The following NRXN1 variants were observed in gnomAD, a reference collection of about 807,000 sequenced individuals.
The protein encoded by NRXN1 is neurexin-1.
A neutral mutation model predicts 150.9 loss-of-function variants in NRXN1; 39 were observed. The ratio of observed to expected loss-of-function variants is 0.26; its 90% confidence interval spans 0.20 to 0.34. The LOEUF is 0.34. Among genes scored for constraint, NRXN1 ranks in the 10% least tolerant of loss-of-function variants. The pLI is 1.00. For synonymous variants in NRXN1, 924 were observed against 757.0 expected (o/e 1.22, Z -3.62); for missense variants, 1,815 against 1,949.9 (o/e 0.93, Z 1.30).
chr2:49,958,929 G>C (rs1164298092), intron 21 of NRXN1, among the ~76,000 whole-genome samples: 2 of 152,132 alleles, frequency 1.3e-5, no homozygotes, highest in Admixed American at 6.6e-5. Flanking sequence ...TTGGCTATAA[G>C]GTAAAGGATA....
chr2:50,628,205 T>A (rs1559043425), intron 5 of NRXN1, among the ~76,000 whole-genome samples: 1 of 151,840 alleles, frequency 6.6e-6, no homozygotes, highest in African/African-American at 2.4e-5. Flanking sequence ...GGTTAAATAA[T>A]AAACAGTTTG....
intron 21 of NRXN1, among the ~76,000 whole-genome samples, chr2:50,033,048 T>C: frequency 6.6e-6 from 1 of 151,800 alleles, no homozygotes; most frequent in Non-Finnish European, 1.5e-5. Context: ...ATATATAATC[T>C]TATTAAAATC....
chr2:50,217,486 G>T (rs889370573), intron 18 of NRXN1, among the ~76,000 whole-genome samples: 4 of 151,892 alleles, frequency 2.6e-5, no homozygotes, highest in East Asian at 1.9e-4. Flanking sequence ...TATCTGGCTG[G>T]ATCTATAATT....
chr2:50,088,896 A>ACTG, intron 19 of NRXN1, among the ~76,000 whole-genome samples: 1 of 152,224 alleles, frequency 6.6e-6, no homozygotes, highest in South Asian at 2.1e-4. Flanking sequence ...GTGCACAGTC[A>ACTG]AATAAAATAT....
chr2:50,879,267 T>G (rs1036776811), intron 5 of NRXN1, among the ~76,000 whole-genome samples: 1 of 151,924 alleles, frequency 6.6e-6, no homozygotes, highest in Non-Finnish European at 1.5e-5. Context: ...ATCTCCAGCC[T>G]GCCATTTGCC....
Position 51,027,923 on chromosome 2 carries a change from C to T in NRXN1, c.351G>A (p.Val117=), listed in dbSNP as rs1242702558. The part of the protein sequence containing the change: ...TPVNDGAWHS[V]RIRRQFRNTT... ...TGTTGCGGAACTGGCGGCGGATGCG[C>T]ACGCTGTGCCAGGCGCCGTCGTTAA... The change falls in exon 2 of 23, where the codon GTG becomes GTA. Residue 117 remains valine, a synonymous_variant. Transcript: ENST00000401669. 6.2e-7 allele frequency: 1 copy of T among 1,606,648 alleles called. No individual in the cohort carries two copies. Among genetic ancestry groups the T allele is most frequent in the South Asian group, 1.1e-5 (1 of 91,074 alleles).
intron 5 of NRXN1, among the ~76,000 whole-genome samples, chr2:50,733,472 A>T (rs867321316): frequency 3.0e-4 from 45 of 152,324 alleles, no homozygotes; most frequent in African/African-American, 1.1e-3. Flanking sequence ...GCATTAAGTG[A>T]TTAATGCCCA....
At chr2:50,321,939 G>A (rs1486951470) in intron 17 of NRXN1, among the ~76,000 whole-genome samples, 1 of 151,132 alleles carries the variant, frequency 6.6e-6, no homozygotes, top group Non-Finnish European at 1.5e-5. Context: ...TGTATTATCT[G>A]CCCATTTTGT....
At chr2:50,150,630 G>C (rs1323832285) in intron 18 of NRXN1, among the ~76,000 whole-genome samples, 1 of 151,772 alleles carries the variant, frequency 6.6e-6, no homozygotes, top group East Asian at 1.9e-4. Context: ...GTAGAATAAA[G>C]AAGAATCATT....
chr2:50,919,148 A>C (rs1484153906), intron 5 of NRXN1: 2 of 151,774 alleles, frequency 1.3e-5, no homozygotes, highest in Non-Finnish European at 2.9e-5. Flanking sequence ...GCCAGCCCAC[A>C]GCAGTGGTCT....
chr2:49,979,761 T>A (rs1052217985), intron 21 of NRXN1, among the ~76,000 whole-genome samples: 4 of 152,160 alleles, frequency 2.6e-5, no homozygotes, highest in South Asian at 2.1e-4. Flanking sequence ...TTTCTCCTTA[T>A]AATTGAAGCA....
Position 50,516,783 on chromosome 2 carries a change from G to A in NRXN1, c.2375-10166C>T, listed in dbSNP as rs530064298. Among the ~76,000 whole-genome samples the A allele has an allele frequency of 6.6e-5, 10 of 151,626 alleles. No individual in the cohort carries two copies. In the South Asian group the frequency reaches 8.3e-4, roughly 13 times the overall value. On this transcript the variant is annotated intron_variant, in intron 12 of 22. Transcript: ENST00000401669. ...CTTTTTTTTAATAAGCAAAGAGATA[G>A]AGTCCTAAGGACAGACACATTTCTT...
rs533431647 is a variant in NRXN1 at position 50,505,641 on chromosome 2, C to G, written c.2497+854G>C. On this transcript the variant is annotated intron_variant, in intron 13 of 22. Coordinates refer to ENST00000401669, the MANE Select transcript of NRXN1 (RefSeq NM_001330078.2). ...TGTAAATTTTTTTTACCTTCCTTTC[C>G]TAAGTTAAGGAACGATTGTTTCAAA... Among the ~76,000 whole-genome samples the G allele has an allele frequency of 7.6e-4, 115 of 152,154 alleles. 1 individual carries two copies. Among genetic ancestry groups the G allele is most frequent in the African/African-American group, 2.6e-3 (107 of 41,524 alleles).
At chr2:50,490,599 AAAGCCATAGGTGT>A (rs1253514182) in intron 15 of NRXN1, among the ~76,000 whole-genome samples, 2 of 152,224 alleles carry the variant, frequency 1.3e-5, no homozygotes, top group Non-Finnish European at 2.9e-5. Context: ...CACAGGAATA[AAAGCCATAGGTGT>A]AAGCCACGAG....
At chr2:50,362,667 C>G (rs1045822116) in intron 17 of NRXN1, among the ~76,000 whole-genome samples, 2 of 152,126 alleles carry the variant, frequency 1.3e-5, no homozygotes, top group African/African-American at 4.8e-5. Flanking sequence ...GGCCATACTG[C>G]CCAAAGTAAT....
intron 17 of NRXN1, among the ~76,000 whole-genome samples, chr2:50,264,786 T>C (rs2068667285): frequency 6.6e-6 from 1 of 152,062 alleles, no homozygotes; most frequent in African/African-American, 2.4e-5. Flanking sequence ...TAAAGAGTTA[T>C]AATCTAGGCC....
chr2:50,180,218 T>G (rs1420738182), intron 18 of NRXN1, among the ~76,000 whole-genome samples: 1 of 151,796 alleles, frequency 6.6e-6, no homozygotes, highest in Non-Finnish European at 1.5e-5. Flanking sequence ...AGAGACACGG[T>G]CTTGCTGTGC....
rs766692241 is a variant in NRXN1, at chr2:51,027,973, C to G, written c.301G>C (p.Ala101Pro). 2.5e-6 allele frequency: 4 copies of G among 1,601,892 alleles called. No individual in the cohort carries two copies. Among genetic ancestry groups the G allele is most frequent in the Non-Finnish European group, 3.4e-6 (4 of 1,179,414 alleles). Residue 101 changes from alanine to proline, a missense_variant, in exon 2 of 23, where the codon GCG becomes CCG. This residue lies in a region of NRXN1 where 554 missense variants were observed against 478.8 expected (regional missense o/e 1.16). Coordinates refer to ENST00000401669, the MANE Select transcript of NRXN1 (RefSeq NM_001330078.2). ...ACCGGCGTGTCGGCCAGGAGCGTCG[C>G]AGGCTCAGCGCAGAAGATGGAGAAG... Reference protein sequence around the residue: ...LSFSIFCAEPATLLADTPVND... With the variant: ...LSFSIFCAEPPTLLADTPVND...
chr2:50,317,306 A>AAGAC (rs1275951949), intron 17 of NRXN1, among the ~76,000 whole-genome samples: 2 of 151,924 alleles, frequency 1.3e-5, no homozygotes, highest in African/African-American at 2.4e-5. Context: ...AACCCTTACC[A>AAGAC]AGACAGACAG....
Sources: allele counts gnomAD v4.1 joint callset (sites outside exome capture counted in the v4.1 genomes callset), GRCh38; gene constraint gnomAD v4.1.1; regional missense constraint gnomAD v4.1.1; transcripts MANE v1.5; gene names NCBI Gene and HGNC (gene_info 2026-07-23, HGNC 2026-07-21).